Variants in FANCC observed in about 807,000 individuals in gnomAD.
FANCC encodes FA complementation group C.
A neutral mutation model predicts 71.3 loss-of-function variants in FANCC; 55 were observed. The observed-to-expected ratio is 0.77, with a 90% CI of 0.62 to 0.97. The LOEUF (loss-of-function observed/expected upper bound fraction) is 0.97. Ranked by LOEUF, FANCC falls within the 50% of genes least tolerant of loss-of-function variation. The pLI is 0.00. For missense variants in FANCC, 678 were observed against 670.9 expected (o/e 1.01, Z -0.12); for synonymous variants, 275 against 244.9 (o/e 1.12, Z -1.15).
chr9:95,229,781 ACAC>A lies in FANCC; in HGVS notation c.345+10865_345+10867del. On this transcript the variant is annotated intron_variant, in intron 4 of 14. Coordinates refer to ENST00000289081, the MANE Select transcript of FANCC (RefSeq NM_000136.3). Reference sequence around the variant, plus strand: ...TGTGTGCACACATGTACACACACACACACACACACACACACACACACACATTGT... The same window carrying A: ...TGTGTGCACACATGTACACACACACAACACACACACACACACACACATTGT... Among the ~76,000 whole-genome samples the A allele has an allele frequency of 2.0e-5, 3 of 149,958 alleles. 1 individual carries two copies. In the South Asian group the frequency reaches 6.3e-4, roughly 32 times the overall value.
At chr9:95,150,972 T>A (rs1026829853) in intron 6 of FANCC, among the ~76,000 whole-genome samples, 20 of 152,276 alleles carry the variant, frequency 1.3e-4, no homozygotes, top group South Asian at 6.2e-4. Context: ...GAAATAAAAT[T>A]AAAAATCCAG....
chr9:95,279,054 C>G (rs1833218732), intron 1 of FANCC, among the ~76,000 whole-genome samples: 1 of 151,872 alleles, frequency 6.6e-6, no homozygotes, highest in Admixed American at 6.6e-5. Context: ...CTGGCTTACA[C>G]CTGTAATCCC....
chr9:95,166,727 G>A (rs1409458865), intron 6 of FANCC, among the ~76,000 whole-genome samples: 1 of 152,080 alleles, frequency 6.6e-6, no homozygotes, highest in Non-Finnish European at 1.5e-5. Flanking sequence ...AAGATTGAAC[G>A]TTTGTATCTG....
intron 4 of FANCC, among the ~76,000 whole-genome samples, chr9:95,179,388 C>A (rs1826204493): frequency 6.6e-6 from 1 of 152,194 alleles, no homozygotes; most frequent in Non-Finnish European, 1.5e-5. Context: ...GCTCTGTCAC[C>A]CAGGCTGGCG....
At chr9:95,275,176 C>A (rs991588892) in intron 1 of FANCC, among the ~76,000 whole-genome samples, 4 of 151,616 alleles carry the variant, frequency 2.6e-5, no homozygotes, top group Non-Finnish European at 5.9e-5. Flanking sequence ...CCCAGATACT[C>A]AGGAGGCTGT....
intron 4 of FANCC, among the ~76,000 whole-genome samples, chr9:95,189,407 C>A (rs571517697): frequency 7.2e-5 from 11 of 152,268 alleles, no homozygotes; most frequent in African/African-American, 2.4e-5. Flanking sequence ...ATAGCCTATT[C>A]CGTGAGCAGG....
intron 4 of FANCC, among the ~76,000 whole-genome samples, chr9:95,209,721 T>A (rs1828374245): frequency 6.6e-6 from 1 of 152,166 alleles, no homozygotes; most frequent in Non-Finnish European, 1.5e-5. Flanking sequence ...TCAATATCTA[T>A]TGATTATATT....
rs2071516903 is a variant in FANCC at position 95,107,235 on chromosome 9, G to A, written c.1364C>T (p.Ala455Val). The A allele has an allele frequency of 1.2e-6, 2 of 1,614,124 alleles. No individual in the cohort carries two copies. Among genetic ancestry groups the A allele is most frequent in the Non-Finnish European group, 1.7e-6 (2 of 1,180,024 alleles). Residue 455 changes from alanine to valine, a missense_variant, in exon 14 of 15, where the codon GCA becomes GTA. Ala to Val is a moderately conservative substitution (Grantham distance 64, BLOSUM62 0). Coordinates refer to ENST00000289081, the MANE Select transcript of FANCC (RefSeq NM_000136.3). ...QVKAVLGHLL[A>V]MSRSSSLSAQ... is the part of the protein sequence containing the mutation. ...TGAGAGGCTGCTGCTTCTGGACATTGCCAGGAGGTGGCCCAGCACGGCCTT... is the reference window on the plus strand; with the variant it reads ...TGAGAGGCTGCTGCTTCTGGACATTACCAGGAGGTGGCCCAGCACGGCCTT...
At chr9:95,294,892 A>C in intron 1 of FANCC, 1 of 1,258,610 alleles carries the variant, frequency 7.9e-7, no homozygotes. Context: ...AACAGTATTA[A>C]TTCGATTGAA....
At chr9:95,296,799 G>A (rs1037062032) in intron 1 of FANCC, among the ~76,000 whole-genome samples, 6 of 152,138 alleles carry the variant, frequency 3.9e-5, no homozygotes, top group South Asian at 2.1e-4. Context: ...GGATTGAAGC[G>A]GGCTAGCTCT....
At chr9:95,172,678 C>A (rs1825761298) in intron 4 of FANCC, among the ~76,000 whole-genome samples, 1 of 151,854 alleles carries the variant, frequency 6.6e-6, no homozygotes, top group African/African-American at 2.4e-5. Context: ...ATAAATGGTG[C>A]CTCAAAAACT....
intron 7 of FANCC, among the ~76,000 whole-genome samples, chr9:95,148,364 A>C (rs1259710367): frequency 6.6e-6 from 1 of 152,212 alleles, no homozygotes. Flanking sequence ...ATGGAAATTG[A>C]CCTGAAAGAA....
chr9:95,264,963 T>G, intron 1 of FANCC, among the ~76,000 whole-genome samples: 1 of 151,866 alleles, frequency 6.6e-6, no homozygotes, highest in East Asian at 1.9e-4. Context: ...ACTGGTCAAT[T>G]TACCCCTGTG....
intron 4 of FANCC, among the ~76,000 whole-genome samples, chr9:95,182,340 G>A (rs1826425761): frequency 6.6e-6 from 1 of 152,022 alleles, no homozygotes; most frequent in Non-Finnish European, 1.5e-5. Flanking sequence ...CTAACATGGT[G>A]AAACCCCGTC....
At chr9:95,293,721 A>T (rs1834200605) in intron 1 of FANCC, 1 of 1,613,792 alleles carries the variant, frequency 6.2e-7, no homozygotes, top group Non-Finnish European at 8.5e-7. Context: ...TCACACTCAG[A>T]CATTTTTGCC....
At chr9:95,205,718 C>T (rs912722357) in intron 4 of FANCC, among the ~76,000 whole-genome samples, 1 of 152,054 alleles carries the variant, frequency 6.6e-6, no homozygotes, top group Non-Finnish European at 1.5e-5. Flanking sequence ...AAACTAGTGA[C>T]TTGCTTCTTT....
chr9:95,150,028 G>C lies in FANCC; in HGVS notation c.581C>G (p.Thr194Arg). ...AGCCTCCACCAGGGGGTCAACATCT[G>C]TCAGGGTAATAAGTGGGACACAAAC... is the stretch of plus-strand genomic sequence containing the variant. ...SRVCVPLITL[T>R]DVDPLVEALL... Residue 194 changes from threonine to arginine, a missense_variant, in exon 7 of 15, where the codon ACA (threonine) becomes AGA (arginine). Coordinates refer to ENST00000289081, the MANE Select transcript of FANCC (RefSeq NM_000136.3). 6.2e-7 allele frequency: 1 copy of C among 1,614,148 alleles called. No homozygotes were observed. The highest frequency in any genetic ancestry group is 8.5e-7 in the Non-Finnish European group (1 of 1,180,012).
intron 11 of FANCC, among the ~76,000 whole-genome samples, chr9:95,116,222 C>T (rs2072408430): frequency 2.6e-5 from 4 of 152,238 alleles, no homozygotes; most frequent in Admixed American, 6.5e-5. Flanking sequence ...TGTTGGCTGA[C>T]TTTAGGCTTT....
rs1038865918 is a variant in FANCC at position 95,230,111 on chromosome 9, T to A, written c.345+10538A>T. On this transcript the variant is annotated intron_variant, in intron 4 of 14. Transcript: ENST00000289081. ...TATTTCAGTAAAAAAAAAATTTTTT[T>A]AAGTTTGCCATTCAGAAATCAATGC... 3.6e-4 allele frequency among the ~76,000 whole-genome samples: 55 copies of A among 152,170 alleles called. 1 individual carries two copies. The highest frequency in any genetic ancestry group is 1.2e-4 in the Non-Finnish European group (8 of 68,034).
Sources: gnomAD v4.1 joint callset for allele counts (sites outside exome capture counted in the v4.1 genomes callset) on GRCh38, gnomAD v4.1.1 for gene constraint, MANE v1.5 for transcripts, NCBI Gene and HGNC (gene_info 2026-07-23, HGNC 2026-07-21) for gene names.